NPAS3: variants seen among roughly 807,000 people sequenced by gnomAD.
NPAS3 encodes neuronal PAS domain-containing protein 3.
A neutral mutation model predicts 73.1 loss-of-function variants in NPAS3; 14 were observed. The ratio of observed to expected loss-of-function variants is 0.19; its 90% CI spans 0.13 to 0.30. NPAS3 has a LOEUF of 0.30. Among genes scored for constraint, NPAS3 ranks in the 10% least tolerant of loss-of-function variants. The probability of loss-of-function intolerance (pLI) is 1.00; values close to 1 mark genes in which losing one functional copy is unlikely to be tolerated. For synonymous variants in NPAS3, 620 were observed against 541.5 expected (o/e 1.14, Z -2.01); for missense variants, 1,096 against 1,250.0 (o/e 0.88, Z 1.86).
At chr14:33,131,080 T>C (rs892008627) in intron 2 of NPAS3, among the ~76,000 whole-genome samples, 1 of 152,148 alleles carries the variant, frequency 6.6e-6, no homozygotes, top group Non-Finnish European at 1.5e-5. Flanking sequence ...AGAGTTCCCT[T>C]GTTGTCCTCT....
At chr14:33,196,136 G>A (rs2046342050) in intron 2 of NPAS3, among the ~76,000 whole-genome samples, 1 of 149,580 alleles carries the variant, frequency 6.7e-6, no homozygotes, top group African/African-American at 2.4e-5. Flanking sequence ...GATCGTATTT[G>A]ATTCTAATGA....
intron 1 of NPAS3, among the ~76,000 whole-genome samples, chr14:33,006,522 C>T (rs2039009277): frequency 6.6e-6 from 1 of 152,014 alleles, no homozygotes; most frequent in South Asian, 2.1e-4. Context: ...CATGGGTTAC[C>T]ACAGCCTGGT....
chr14:33,727,414 T>A (rs942895797), intron 6 of NPAS3, among the ~76,000 whole-genome samples: 1 of 152,132 alleles, frequency 6.6e-6, no homozygotes, highest in Non-Finnish European at 1.5e-5. Flanking sequence ...TCATAATAAC[T>A]ATTGACCTTT....
intron 2 of NPAS3, among the ~76,000 whole-genome samples, chr14:33,093,790 CA>C (rs1047093855): frequency 1.1e-3 from 167 of 151,980 alleles, no homozygotes; most frequent in African/African-American, 3.8e-3. Context: ...TATGCAGCTA[CA>C]AAAAAGGATG....
chr14:33,693,892 T>A (rs1223535125), intron 6 of NPAS3, among the ~76,000 whole-genome samples: 1 of 152,198 alleles, frequency 6.6e-6, no homozygotes, highest in Non-Finnish European at 1.5e-5. Context: ...TTCTTCATCA[T>A]AATTATTTCC....
intron 5 of NPAS3, among the ~76,000 whole-genome samples, chr14:33,616,169 G>A (rs140120128): frequency 6.6e-6 from 1 of 152,190 alleles, no homozygotes; most frequent in Non-Finnish European, 1.5e-5. Flanking sequence ...TGGGGCTAGT[G>A]TGGTCCTGAC....
intron 4 of NPAS3, among the ~76,000 whole-genome samples, chr14:33,398,009 C>T (rs2047295533): frequency 6.6e-6 from 1 of 152,106 alleles, no homozygotes; most frequent in African/African-American, 2.4e-5. Flanking sequence ...TATGAAGCCT[C>T]CAATTATCTT....
chr14:33,290,422 A>G (rs1167443022), intron 3 of NPAS3, among the ~76,000 whole-genome samples: 1 of 152,202 alleles, frequency 6.6e-6, no homozygotes, highest in African/African-American at 2.4e-5. Flanking sequence ...AAGAGGGGCT[A>G]AGTGTGTTTT....
chr14:33,131,554 C>G (rs1159163858), intron 2 of NPAS3, among the ~76,000 whole-genome samples: 1 of 152,148 alleles, frequency 6.6e-6, no homozygotes, highest in Non-Finnish European at 1.5e-5. Context: ...GTATCTGCCT[C>G]TCTCCAGATA....
intron 1 of NPAS3, among the ~76,000 whole-genome samples, chr14:32,978,621 T>G (rs756589344): frequency 6.6e-6 from 1 of 152,126 alleles, no homozygotes; most frequent in Non-Finnish European, 1.5e-5. Context: ...TGGGGCTCAC[T>G]AGGTGTCTAG....
At chr14:33,091,349 A>C (rs1217421588) in intron 2 of NPAS3, among the ~76,000 whole-genome samples, 2 of 152,208 alleles carry the variant, frequency 1.3e-5, no homozygotes, top group Non-Finnish European at 2.9e-5. Flanking sequence ...CCATGAGAGA[A>C]TACTATAAAC....
intron 1 of NPAS3, among the ~76,000 whole-genome samples, chr14:33,012,552 CTTT>C (rs35569383): frequency 1.4e-5 from 2 of 141,912 alleles, no homozygotes. Context: ...AAAGTCATAT[CTTT>C]TTTTTTTTTT....
At chr14:33,353,318 A>G (rs137919974) in intron 3 of NPAS3, among the ~76,000 whole-genome samples, 237 of 152,340 alleles carry the variant, frequency 1.6e-3, no homozygotes, top group African/African-American at 5.2e-3. Flanking sequence ...TATATTAATA[A>G]TCACTTGCAA....
intron 6 of NPAS3, among the ~76,000 whole-genome samples, chr14:33,679,526 A>G (rs2059873799): frequency 6.6e-6 from 1 of 152,206 alleles, no homozygotes; most frequent in Non-Finnish European, 1.5e-5. Flanking sequence ...TTGCATCATA[A>G]TCTCTTGAAC....
intron 1 of NPAS3, among the ~76,000 whole-genome samples, chr14:32,961,751 G>A (rs965744844): frequency 3.9e-5 from 6 of 152,092 alleles, no homozygotes; most frequent in Admixed American, 3.3e-4. Flanking sequence ...CTCTGAGGAA[G>A]ATATATCCCC....
chr14:33,047,178 A>T (rs746863930), intron 1 of NPAS3, among the ~76,000 whole-genome samples: 29 of 152,224 alleles, frequency 1.9e-4, no homozygotes, highest in Non-Finnish European at 4.0e-4. Flanking sequence ...AATAATTCTT[A>T]AGCTACTTAT....
chr14:32,955,450 A>C (rs1410958698), intron 1 of NPAS3, among the ~76,000 whole-genome samples: 2 of 151,624 alleles, frequency 1.3e-5, no homozygotes, highest in Non-Finnish European at 3.0e-5. Flanking sequence ...CATGAAGAGG[A>C]GACAAGATAA....
chr14:33,622,902 A>T (rs1006377588), intron 5 of NPAS3, among the ~76,000 whole-genome samples: 3 of 152,164 alleles, frequency 2.0e-5, no homozygotes, highest in African/African-American at 7.2e-5. Context: ...CATGCTAGGT[A>T]TGTTTGGTGA....
At chr14:33,676,740 A>G (rs2059779516) in intron 6 of NPAS3, among the ~76,000 whole-genome samples, 1 of 152,246 alleles carries the variant, frequency 6.6e-6, no homozygotes, top group Admixed American at 6.5e-5. Flanking sequence ...AGCAAAATCT[A>G]TGGCAGAGGC....
Sources: allele counts gnomAD v4.1 joint callset (sites outside exome capture counted in the v4.1 genomes callset), GRCh38; gene constraint gnomAD v4.1.1; transcripts MANE v1.5; gene names NCBI Gene and HGNC (gene_info 2026-07-23, HGNC 2026-07-21).